Variants in GNAQ observed in about 807,000 individuals in gnomAD.
GNAQ encodes the protein G protein subunit alpha q, also known as guanine nucleotide-binding protein G(q) subunit alpha.
A neutral mutation model predicts 43.9 loss-of-function variants in GNAQ; 8 were observed. That is an observed-to-expected ratio of 0.18 (90% confidence interval 0.11 to 0.33). GNAQ has a LOEUF of 0.33. GNAQ is among the 10% of genes least tolerant of loss of function. The pLI is 1.00. For synonymous variants in GNAQ, 155 were observed against 170.7 expected, an observed-to-expected ratio of 0.91 and a Z score of 0.71; for missense variants, 158 against 450.8, an observed-to-expected ratio of 0.35 and a Z score of 5.88.
intron 1 of GNAQ, among the ~76,000 whole-genome samples, chr9:78,007,554 T>C (rs549433180): frequency 1.3e-5 from 2 of 152,304 alleles, no homozygotes; most frequent in South Asian, 4.1e-4. Context: ...GCCATGGCCA[T>C]GCATTATTAA....
rs544922984 is a variant in GNAQ at position 77,791,676 on chromosome 9, T to C, written c.735+2787A>G. Among the ~76,000 whole-genome samples, 4 of 152,272 alleles carry C rather than the reference T, an allele frequency of 2.6e-5. No individual in the cohort carries two copies. The East Asian group carries it at 7.7e-4, about 29-fold the overall frequency. On this transcript the variant is annotated intron_variant, in intron 5 of 6. Coordinates refer to ENST00000286548, the MANE Select transcript of GNAQ (RefSeq NM_002072.5). Reference sequence around the variant, plus strand: ...ATGAAGATTTATAAGGTTTTAGAAATATTAAAAAGCAAAAGCAATAATCTA... The same window carrying C: ...ATGAAGATTTATAAGGTTTTAGAAACATTAAAAAGCAAAAGCAATAATCTA...
intron 5 of GNAQ, among the ~76,000 whole-genome samples, chr9:77,737,338 T>C (rs1370956387): frequency 6.6e-6 from 1 of 152,200 alleles, no homozygotes; most frequent in Admixed American, 6.5e-5. Context: ...TCACTGTCAT[T>C]GTAAGTGATG....
intron 2 of GNAQ, among the ~76,000 whole-genome samples, chr9:77,897,653 T>C (rs1264425986): frequency 1.3e-5 from 2 of 152,140 alleles, no homozygotes; most frequent in African/African-American, 4.8e-5. Flanking sequence ...GAGATTCTCA[T>C]TAAGACTGTC....
chr9:77,815,833 A>C, intron 2 of GNAQ, 63 bp from the exon 3 acceptor site: 1 of 1,015,698 alleles, frequency 9.8e-7, no homozygotes, highest in Non-Finnish European at 1.5e-6. Flanking sequence ...TTTGCTTTGC[A>C]TATTACATTA....
At chr9:77,866,046 T>C (rs1827942045) in intron 2 of GNAQ, among the ~76,000 whole-genome samples, 1 of 152,222 alleles carries the variant, frequency 6.6e-6, no homozygotes, top group African/African-American at 2.4e-5. Context: ...GATGTTTACA[T>C]GAAGTTCAGT....
chr9:77,792,866 T>TAAC (rs1826596683), intron 5 of GNAQ, among the ~76,000 whole-genome samples: 1 of 152,098 alleles, frequency 6.6e-6, no homozygotes, highest in Non-Finnish European at 1.5e-5. Flanking sequence ...ACAACCTACA[T>TAAC]AACAAAGGCT....
In GNAQ at chr9:78,027,665, C is replaced by T. The variant is rs530239615; in HGVS notation, c.136+3435G>A. On this transcript the variant is annotated intron_variant, in intron 1 of 6. Transcript: ENST00000286548. ...ACCTGGGAGGCTGAGACAGGAGAAT[C>T]GCTTGTACCTGGGAGGCGGAGGTTG... Among the ~76,000 whole-genome samples the T allele has an allele frequency of 4.6e-5, 7 of 150,574 alleles. No individual in the cohort carries two copies. The South Asian group carries it at 8.4e-4, about 18-fold the overall frequency.
intron 1 of GNAQ, among the ~76,000 whole-genome samples, chr9:77,972,619 T>C (rs1823250102): frequency 6.6e-6 from 1 of 152,172 alleles, no homozygotes; most frequent in African/African-American, 2.4e-5. Context: ...TAGGAATAAA[T>C]TTAACAGGAA....
At chr9:78,010,555 ACT>A (rs1216130592) in intron 1 of GNAQ, among the ~76,000 whole-genome samples, 1 of 152,002 alleles carries the variant, frequency 6.6e-6, no homozygotes, top group Non-Finnish European at 1.5e-5. Context: ...TATAATTATA[ACT>A]CTCTATGAAA....
intron 5 of GNAQ, among the ~76,000 whole-genome samples, chr9:77,770,931 G>T (rs978161396): frequency 6.6e-6 from 1 of 150,792 alleles, no homozygotes; most frequent in African/African-American, 2.5e-5. Context: ...TTCATTTTCT[G>T]AAAAAAATAA....
At chr9:77,927,138 G>A (rs957723421) in intron 1 of GNAQ, among the ~76,000 whole-genome samples, 53 of 152,006 alleles carry the variant, frequency 3.5e-4, no homozygotes, top group Non-Finnish European at 1.9e-4. Flanking sequence ...CAACACAACA[G>A]GATTCCCACA....
At chr9:77,831,358 G>A (rs1462500529) in intron 2 of GNAQ, among the ~76,000 whole-genome samples, 1 of 152,132 alleles carries the variant, frequency 6.6e-6, no homozygotes, top group Non-Finnish European at 1.5e-5. Context: ...AGTTTAAAAG[G>A]CAGTCTACAC....
intron 1 of GNAQ, among the ~76,000 whole-genome samples, chr9:77,995,868 T>C (rs1380079278): frequency 6.6e-6 from 1 of 152,170 alleles, no homozygotes; most frequent in African/African-American, 2.4e-5. Context: ...TTTCATAAAA[T>C]GAAAATTTGT....
chr9:77,874,115 A>C (rs1045993796), intron 2 of GNAQ, among the ~76,000 whole-genome samples: 7 of 139,818 alleles, frequency 5.0e-5, no homozygotes, highest in East Asian at 2.1e-4. Context: ...AAAAAAAAAA[A>C]ACAAAAAAAC....
intron 5 of GNAQ, among the ~76,000 whole-genome samples, chr9:77,784,710 A>C (rs1053674508): frequency 3.3e-5 from 5 of 152,188 alleles, no homozygotes; most frequent in African/African-American, 1.2e-4. Flanking sequence ...TTATTTGAAA[A>C]CAGTGAACTT....
chr9:77,846,778 G>C (rs919574874), intron 2 of GNAQ, among the ~76,000 whole-genome samples: 2 of 152,114 alleles, frequency 1.3e-5, no homozygotes, highest in Non-Finnish European at 2.9e-5. Flanking sequence ...TTTTTGTAAT[G>C]TTTTAGAGTT....
At chr9:77,785,875 A>C (rs1826468771) in intron 5 of GNAQ, among the ~76,000 whole-genome samples, 1 of 152,198 alleles carries the variant, frequency 6.6e-6, no homozygotes, top group South Asian at 2.1e-4. Flanking sequence ...AGAGTAAAGG[A>C]CAGACAATAA....
chr9:78,027,820 G>A (rs1824001182), intron 1 of GNAQ, among the ~76,000 whole-genome samples: 1 of 150,788 alleles, frequency 6.6e-6, no homozygotes, highest in Non-Finnish European at 1.5e-5. Context: ...TCAATTAAAG[G>A]GGTTTACTAA....
intron 5 of GNAQ, among the ~76,000 whole-genome samples, chr9:77,731,544 T>C (rs914619218): frequency 6.6e-5 from 10 of 152,322 alleles, no homozygotes; most frequent in African/African-American, 2.4e-4. Flanking sequence ...GACTGGCAGA[T>C]GAGATCAACT....
Sources: allele counts gnomAD v4.1 joint callset (sites outside exome capture counted in the v4.1 genomes callset), GRCh38; gene constraint gnomAD v4.1.1; transcripts MANE v1.5; gene names NCBI Gene and HGNC (gene_info 2026-07-23, HGNC 2026-07-21).